ABLIM1: variants seen among roughly 807,000 people sequenced by gnomAD.
ABLIM1 encodes the protein actin-binding LIM protein 1.
A neutral mutation model predicts 107.0 loss-of-function variants in ABLIM1; 40 were observed. The ratio of observed to expected loss-of-function variants is 0.37; its 90% confidence interval spans 0.29 to 0.49. ABLIM1 has a LOEUF of 0.49. Ranked by LOEUF, ABLIM1 falls within the 20% of genes least tolerant of loss-of-function variation. The pLI is 0.97. For missense variants in ABLIM1, 857 were observed against 1,008.5 expected (o/e 0.85, Z 2.04); for synonymous variants, 357 against 357.3 (o/e 1.00, Z 0.01).
At chr10:114,524,821 C>A (rs2064387289) in intron 6 of ABLIM1, among the ~76,000 whole-genome samples, 1 of 152,228 alleles carries the variant, frequency 6.6e-6, no homozygotes, top group Non-Finnish European at 1.5e-5. Flanking sequence ...TGTATATCCG[C>A]AGCAAGTCCT....
chr10:114,709,964 C>T (rs2081511497), intron 1 of ABLIM1, among the ~76,000 whole-genome samples: 1 of 152,202 alleles, frequency 6.6e-6, no homozygotes, highest in African/African-American at 2.4e-5. Flanking sequence ...TGACTTTCCC[C>T]TAATCTGTGA....
At chr10:114,716,842 TAAAAA>T (rs34567416) in intron 1 of ABLIM1, among the ~76,000 whole-genome samples, 18 of 134,554 alleles carry the variant, frequency 1.3e-4, no homozygotes, top group African/African-American at 4.1e-4. Context: ...CTGGAACTGT[TAAAAA>T]AAAAAAAAAA....
At chr10:114,628,767 T>A (rs1004951419) in intron 1 of ABLIM1, among the ~76,000 whole-genome samples, 2 of 152,252 alleles carry the variant, frequency 1.3e-5, no homozygotes, top group Non-Finnish European at 2.9e-5. Context: ...TTATAGAGCT[T>A]AATCTCTAAT....
intron 4 of ABLIM1, among the ~76,000 whole-genome samples, chr10:114,565,035 A>G (rs1266969928): frequency 6.6e-6 from 1 of 152,238 alleles, no homozygotes; most frequent in Admixed American, 6.5e-5. Context: ...AGATATAGAA[A>G]GATTGATTTC....
chr10:114,774,871 A>G, the ABLIM1 span, among the ~76,000 whole-genome samples: 16 of 152,100 alleles, frequency 1.1e-4, no homozygotes, highest in East Asian at 3.9e-4. Context: ...AAGCCAGGGG[A>G]AAAAAAGTAC....
chr10:114,759,761 CCGACACCATAAGGCA>C (rs2082704699), intron 1 of ABLIM1, among the ~76,000 whole-genome samples: 1 of 152,126 alleles, frequency 6.6e-6, no homozygotes, highest in African/African-American at 2.4e-5. Context: ...AAGGAATACA[CCGACACCATAAGGCA>C]TGCTGGCTAG....
chr10:114,621,519 T>C (rs778062331), intron 1 of ABLIM1, among the ~76,000 whole-genome samples: 1 of 152,202 alleles, frequency 6.6e-6, no homozygotes, highest in South Asian at 2.1e-4. Flanking sequence ...GAATATAGGT[T>C]GAATCAAACA....
chr10:114,516,717 G>A (rs2062874151), intron 6 of ABLIM1, among the ~76,000 whole-genome samples: 1 of 152,174 alleles, frequency 6.6e-6, no homozygotes, highest in Non-Finnish European at 1.5e-5. Context: ...CTTCACACTG[G>A]ATTCAGTCAA....
intron 12 of ABLIM1, among the ~76,000 whole-genome samples, chr10:114,460,513 A>C (rs1235638473): frequency 6.6e-6 from 1 of 152,210 alleles, no homozygotes; most frequent in East Asian, 1.9e-4. Context: ...AGGCAGAAGA[A>C]TCGCTTGAAG....
At chr10:114,693,278 A>C (rs779251384) in intron 1 of ABLIM1, among the ~76,000 whole-genome samples, 1 of 152,234 alleles carries the variant, frequency 6.6e-6, no homozygotes, top group Non-Finnish European at 1.5e-5. Flanking sequence ...CCTTCATCTG[A>C]AGAAAGGGTT....
chr10:114,649,066 A>G (rs988541039), intron 1 of ABLIM1, among the ~76,000 whole-genome samples: 1 of 152,110 alleles, frequency 6.6e-6, no homozygotes, highest in Non-Finnish European at 1.5e-5. Context: ...TAGGAAAGTC[A>G]TTTACTTCTC....
chr10:114,582,996 A>G (rs541988375), intron 2 of ABLIM1, among the ~76,000 whole-genome samples: 139 of 152,188 alleles, frequency 9.1e-4, no homozygotes, highest in African/African-American at 3.2e-3. Context: ...TACAACAAAA[A>G]CAAAAATTGA....
intron 1 of ABLIM1, among the ~76,000 whole-genome samples, chr10:114,644,871 G>A (rs61867928): frequency 0.018 from 2,774 of 152,262 alleles, 49 homozygotes; most frequent in South Asian, 0.039. Flanking sequence ...GAAGCCAGAC[G>A]GGCGGGAAGA....
At chr10:114,532,522 G>A (rs573724217) in intron 6 of ABLIM1, among the ~76,000 whole-genome samples, 7 of 152,288 alleles carry the variant, frequency 4.6e-5, no homozygotes, top group African/African-American at 1.2e-4. Flanking sequence ...ACCCCTCAGC[G>A]CAGCATCACT....
At chr10:114,689,889 C>G (rs1178076991), upstream of ABLIM1, among the ~76,000 whole-genome samples, 1 of 152,092 alleles carries the variant, frequency 6.6e-6, no homozygotes, top group African/African-American at 2.4e-5. Context: ...CTTGATGCTG[C>G]CCCTTAGCAT....
chr10:114,768,620 A>G (rs1239110670), upstream of ABLIM1, among the ~76,000 whole-genome samples: 6 of 150,734 alleles, frequency 4.0e-5, no homozygotes, highest in Non-Finnish European at 7.4e-5. Flanking sequence ...CCGACCCACC[A>G]GCCCCTCCGA....
intron 1 of ABLIM1, among the ~76,000 whole-genome samples, chr10:114,700,089 A>G (rs968902973): frequency 6.6e-6 from 1 of 152,176 alleles, no homozygotes; most frequent in African/African-American, 2.4e-5. Flanking sequence ...ACAAGTCACC[A>G]CATCCAACCT....
chr10:114,704,302 C>CTA (rs369952218), intron 1 of ABLIM1, among the ~76,000 whole-genome samples: 36 of 43,088 alleles, frequency 8.4e-4, no homozygotes, highest in East Asian at 2.2e-3. Context: ...CTCTCTCTCT[C>CTA]TATATATATA....
At chr10:114,799,482 C>T in the ABLIM1 span, among the ~76,000 whole-genome samples, 1 of 152,086 alleles carries the variant, frequency 6.6e-6, no homozygotes, top group South Asian at 2.1e-4. Context: ...AACTCTTGAT[C>T]CCCCCCTCCA....
Sources: allele counts gnomAD v4.1 joint callset (sites outside exome capture counted in the v4.1 genomes callset), GRCh38; gene constraint gnomAD v4.1.1; transcripts MANE v1.5; gene names NCBI Gene and HGNC (gene_info 2026-07-23, HGNC 2026-07-21).